C16orf87: variants seen among roughly 807,000 people sequenced by gnomAD.
C16orf87 encodes HDAC and MIER1 interacting protein 1, also known as UPF0547 protein C16orf87.
Under a neutral mutation model 21.0 loss-of-function variants are expected in C16orf87, and 13 were observed. The ratio of observed to expected loss-of-function variants is 0.62; its 90% CI spans 0.40 to 0.98. C16orf87 has a LOEUF of 0.98. Among genes scored for constraint, C16orf87 ranks in the 50% least tolerant of loss-of-function variants. C16orf87 has a pLI of 0.00. For missense variants in C16orf87, 113 were observed against 180.4 expected (o/e 0.63, Z 2.14); for synonymous variants, 49 against 60.2 (o/e 0.81, Z 0.86).
intron 2 of C16orf87, among the ~76,000 whole-genome samples, chr16:46,823,925 G>C (rs140795008): frequency 6.6e-6 from 1 of 152,294 alleles, no homozygotes; most frequent in African/African-American, 2.4e-5. Flanking sequence ...GAGGTAGCAG[G>C]AAGGAGGGAT....
chr16:46,796,793 G>A lies in C16orf87; in HGVS notation c.*6159C>T, dbSNP rs1203876929. Reference sequence around the variant, plus strand: ...ACTTGCATCACTGGAGCCTAAGAGGGAGGAGAAAGTAGAGCAGAAAATATC... The same window carrying A: ...ACTTGCATCACTGGAGCCTAAGAGGAAGGAGAAAGTAGAGCAGAAAATATC... On this transcript the variant is annotated 3_prime_UTR_variant, in exon 4 of 4. Transcript: ENST00000285697. 6.6e-6 allele frequency: 1 copy of A among 152,176 alleles called. No individual in the cohort carries two copies. Among genetic ancestry groups the A allele is most frequent in the East Asian group, 1.9e-4 (1 of 5,208 alleles). 9.4% of individuals were successfully genotyped at this position (152,176 alleles called of 1,614,324 possible). A position where few individuals can be genotyped will look rare whatever the true frequency, so the allele number is the denominator to read the frequency against.
chr16:46,821,902 C>A (rs1303451944), intron 2 of C16orf87, among the ~76,000 whole-genome samples: 2 of 152,126 alleles, frequency 1.3e-5, no homozygotes, highest in African/African-American at 2.4e-5. Flanking sequence ...AAATTAAATT[C>A]TTCATCTTTC....
At chr16:46,806,699 T>C (rs1294202177) in intron 3 of C16orf87, among the ~76,000 whole-genome samples, 1 of 152,210 alleles carries the variant, frequency 6.6e-6, no homozygotes. Flanking sequence ...CCAAAAATTG[T>C]TTAATGATTT....
intron 1 of C16orf87, among the ~76,000 whole-genome samples, chr16:46,825,155 C>T (rs535724868): frequency 3.3e-5 from 5 of 151,998 alleles, no homozygotes; most frequent in South Asian, 2.1e-4. Context: ...CAGCTTTTTA[C>T]GGTATAGAAC....
chr16:46,809,681 T>C lies in C16orf87; in HGVS notation c.268A>G (p.Asn90Asp). 1 of 1,611,318 alleles carries C rather than the reference T, an allele frequency of 6.2e-7. No individual in the cohort carries two copies. The highest frequency in any genetic ancestry group is 8.5e-7 in the Non-Finnish European group (1 of 1,177,550). ...DLENRKRSRS[N>D]SHSDHIRRGR... ...CGTCTGATATGATCTGAATGGCTGT[T>C]ACTTCGAGACCTCTTTCTGTTTTCT... Residue 90 changes from asparagine to aspartate, a missense_variant, in exon 3 of 4, where the codon AAC becomes GAC. Physicochemically the swap from Asn to Asp is conservative, Grantham distance 23. Transcript: ENST00000285697.
At position 46,797,836 on chromosome 16, in the gene C16orf87, T is replaced by A. The variant is rs1596795455; in HGVS notation, c.*5116A>T. The A allele has an allele frequency of 2.0e-5, 3 of 152,094 alleles. No homozygotes were observed. The highest frequency in any genetic ancestry group is 7.2e-5 in the African/African-American group (3 of 41,508). The allele number at this position is 152,094 out of a possible 1,614,324, so 9.4% of individuals were successfully genotyped here. On this transcript the variant is annotated 3_prime_UTR_variant, in exon 4 of 4. Coordinates refer to ENST00000285697, the MANE Select transcript of C16orf87 (RefSeq NM_001001436.4). ...AAAACTATTCAAAGAACTATAATTT[T>A]AAAAAACAATAAATTACAATCAGTA...
At position 46,798,720 on chromosome 16, in the gene C16orf87, G is replaced by A. The variant is rs567656270; in HGVS notation, c.*4232C>T. ...GATCGCACCATTGCACTCCAGCCTG[G>A]GTGACAGAGTGAGACTCCGTGTCAA... On this transcript the variant is annotated 3_prime_UTR_variant, in exon 4 of 4. Coordinates refer to ENST00000285697, the MANE Select transcript of C16orf87 (RefSeq NM_001001436.4). 5 of 152,518 alleles carry A rather than the reference G, an allele frequency of 3.3e-5. No homozygotes were observed. The East Asian group carries it at 9.6e-4, about 29-fold the overall frequency. 9.4% of individuals were successfully genotyped at this position (152,518 alleles called of 1,614,324 possible).
In C16orf87 at chr16:46,820,408, T is replaced by C. The variant is rs183104038; in HGVS notation, c.163+3978A>G. Among the ~76,000 whole-genome samples the C allele has an allele frequency of 1.1e-4, 16 of 152,354 alleles. No homozygotes were observed. In the East Asian group the frequency reaches 2.9e-3, roughly 28 times the overall value. ...TATGTATTTACTTATTAATACTACA[T>C]GTAGAAATCATTTTGTGGGGTTTTA... On this transcript the variant is annotated intron_variant, in intron 2 of 3. Transcript: ENST00000285697.
At chr16:46,829,111 C>T (rs1959744532) in intron 1 of C16orf87, among the ~76,000 whole-genome samples, 1 of 152,050 alleles carries the variant, frequency 6.6e-6, no homozygotes, top group Admixed American at 6.6e-5. Flanking sequence ...TAAATTAAGT[C>T]ATGAGGGTGG....
chr16:46,817,638 A>AT, intron 2 of C16orf87, among the ~76,000 whole-genome samples: 1 of 152,180 alleles, frequency 6.6e-6, no homozygotes, highest in South Asian at 2.1e-4. Flanking sequence ...CAGTAAGCCG[A>AT]TATCAGGCCA....
At chr16:46,825,914 CAA>C (rs918103053) in intron 1 of C16orf87, among the ~76,000 whole-genome samples, 24 of 75,400 alleles carry the variant, frequency 3.2e-4, no homozygotes, top group Admixed American at 9.2e-4. Context: ...GACTCTGTCT[CAA>C]AAAAAAAAAA....
chr16:46,830,758 G>A, intron 1 of C16orf87: 1 of 240,856 alleles, frequency 4.2e-6, no homozygotes, highest in Non-Finnish European at 8.0e-6. Context: ...TCCCACCGCT[G>A]TCACCGCCGC....
chr16:46,817,246 C>T (rs1968275809), intron 2 of C16orf87, among the ~76,000 whole-genome samples: 1 of 152,118 alleles, frequency 6.6e-6, no homozygotes, highest in Admixed American at 6.6e-5. Context: ...AGTGTGAATG[C>T]AAAACAAAGG....
chr16:46,823,503 G>A (rs1053445438), intron 2 of C16orf87, among the ~76,000 whole-genome samples: 3 of 151,988 alleles, frequency 2.0e-5, no homozygotes, highest in African/African-American at 4.8e-5. Flanking sequence ...ATTTGTCTAC[G>A]TTAATGGAAA....
intron 1 of C16orf87, among the ~76,000 whole-genome samples, chr16:46,827,887 T>A (rs1046465913): frequency 6.7e-5 from 10 of 150,126 alleles, no homozygotes; most frequent in African/African-American, 2.5e-4. Flanking sequence ...CCAGCCTGGA[T>A]TTTTTAAATC....
intron 2 of C16orf87, among the ~76,000 whole-genome samples, chr16:46,813,486 A>G (rs1268994975): frequency 6.6e-6 from 1 of 151,878 alleles, no homozygotes; most frequent in African/African-American, 2.4e-5. Flanking sequence ...CTTAAAAAAA[A>G]AAAAAAAAAA....
chr16:46,826,062 T>C (rs1296665462), intron 1 of C16orf87, among the ~76,000 whole-genome samples: 1 of 152,190 alleles, frequency 6.6e-6, no homozygotes, highest in Non-Finnish European at 1.5e-5. Context: ...GGTAGGAATT[T>C]AGATCCAGAA....
intron 3 of C16orf87, among the ~76,000 whole-genome samples, chr16:46,803,391 TGA>T (rs1197215579): frequency 6.6e-6 from 1 of 152,238 alleles, no homozygotes; most frequent in East Asian, 1.9e-4. Context: ...AAATTCACTC[TGA>T]GAGATGGTCC....
chr16:46,809,430 C>T (rs897401878), intron 3 of C16orf87, among the ~76,000 whole-genome samples, 173 bp downstream of exon 3: 6 of 151,760 alleles, frequency 4.0e-5, no homozygotes, highest in Non-Finnish European at 8.8e-5. Context: ...AATTAAATTC[C>T]TGTGATTAAA....
Sources: allele counts gnomAD v4.1 joint callset (sites outside exome capture counted in the v4.1 genomes callset), GRCh38; gene constraint gnomAD v4.1.1; transcripts MANE v1.5; gene names NCBI Gene and HGNC (gene_info 2026-07-23, HGNC 2026-07-21).